Variants in TNFAIP2 observed in about 807,000 individuals in gnomAD.
The protein encoded by TNFAIP2 is tumor necrosis factor alpha-induced protein 2.
TNFAIP2 carries 47 observed loss-of-function variants against 63.5 expected under a neutral mutation model. The ratio of observed to expected loss-of-function variants is 0.74; its 90% confidence interval spans 0.59 to 0.94. The LOEUF (loss-of-function observed/expected upper bound fraction) is 0.94, where lower values mean the gene tolerates loss of function less well. Among genes scored for constraint, TNFAIP2 ranks in the 40% least tolerant of loss-of-function variants. The pLI is 0.00. For synonymous variants in TNFAIP2, 405 were observed against 390.2 expected (o/e 1.04, Z -0.45); for missense variants, 787 against 850.2 (o/e 0.93, Z 0.92).
chr14:103,125,769 C>A (rs1194527737), intron 1 of TNFAIP2, among the ~76,000 whole-genome samples: 1 of 152,210 alleles, frequency 6.6e-6, no homozygotes, highest in Non-Finnish European at 1.5e-5. Context: ...TGTGACCCCA[C>A]CGCTGGATCA....
intron 11 of TNFAIP2, among the ~76,000 whole-genome samples, chr14:103,134,988 C>T (rs950298349): frequency 4.6e-5 from 7 of 152,172 alleles, no homozygotes; most frequent in Non-Finnish European, 8.8e-5. Context: ...CATCTCAGGG[C>T]CTGGGAAGAA....
At position 103,131,660 on chromosome 14, in the gene TNFAIP2, G is replaced by T. The variant is rs1276308757; in HGVS notation, c.1320G>T (p.Trp440Cys). 6.2e-7 allele frequency: 1 copy of T among 1,600,090 alleles called. No individual in the cohort carries two copies. ...CCAGGATGTCCATGGAGCAGAATTGGCAGGTACCCCAGGACACCCTGAGCC... is the reference window on the plus strand; with the variant it reads ...CCAGGATGTCCATGGAGCAGAATTGTCAGGTACCCCAGGACACCCTGAGCC... ...LSFRMSMEQN[W>C]QVPQDTLSLL... The change falls in exon 8 of 12, where the codon TGG (tryptophan) becomes TGT (cysteine). Residue 440 changes from tryptophan (W) to cysteine (C), a missense_variant. Physicochemically the swap from Trp to Cys is radical, Grantham distance 215 (BLOSUM62 -2). This residue lies in a region of TNFAIP2 where 523 missense variants were observed against 604.1 expected (regional missense o/e 0.87). Coordinates refer to ENST00000560869, the MANE Select transcript of TNFAIP2 (RefSeq NM_006291.4). The surrounding 1 kb of genome is among the most constrained non-coding windows in gnomAD (Gnocchi z 4.0).
intron 8 of TNFAIP2, among the ~76,000 whole-genome samples, chr14:103,132,131 C>G (rs1036683197): frequency 6.6e-6 from 1 of 152,168 alleles, no homozygotes; most frequent in African/African-American, 2.4e-5. Context: ...CCTGCAGACA[C>G]CTTTCCTTCA....
rs2087960963 is a variant in TNFAIP2, at chr14:103,131,049, C to T, written c.1200-3C>T. ...CTGAATGTGCCCCTTCTGGTTTCGC[C>T]AGCTACCAGCGCGCCTTTAATGAAT... On this transcript the variant is annotated splice_polypyrimidine_tract_variant and splice_region_variant and intron_variant, in intron 6 of 11. Transcript: ENST00000560869. This position sits in a 1 kb window ranked among gnomAD's most constrained non-coding sequence, Gnocchi z 4.0. 1 of 1,614,008 alleles carries T rather than the reference C, an allele frequency of 6.2e-7. No homozygotes were observed. Among genetic ancestry groups the T allele is most frequent in the Non-Finnish European group, 8.5e-7 (1 of 1,180,022 alleles).
At chr14:103,128,762 C>T (rs371743898) in intron 3 of TNFAIP2, among the ~76,000 whole-genome samples, 5 of 152,274 alleles carry the variant, frequency 3.3e-5, no homozygotes, top group African/African-American at 1.2e-4. Context: ...CAGCCCAGAG[C>T]CAGTTCCCGC....
chr14:103,130,444 G>A (rs2087950121), intron 6 of TNFAIP2, 29 bp downstream of exon 6: 1 of 1,547,660 alleles, frequency 6.5e-7, no homozygotes, highest in Non-Finnish European at 8.7e-7. Flanking sequence ...TGGGGTCCCT[G>A]TAGCCACCGC....
Position 103,130,031 on chromosome 14 carries a change from T to C in TNFAIP2, c.1005T>C (p.Ala335=), listed in dbSNP as rs2087938252. ...AANVRELMDR[A]LELEARRWAE... is the part of the protein sequence containing the mutation. ...ATGTGAGGGAGTTGATGGACCGAGCTCTGGAGCTAGAGGCACGGCGCTGGG... is the reference window on the plus strand; with the variant it reads ...ATGTGAGGGAGTTGATGGACCGAGCCCTGGAGCTAGAGGCACGGCGCTGGG... Residue 335 remains alanine, a synonymous_variant, in exon 5 of 12, where the codon GCT becomes GCC. Transcript: ENST00000560869. 2 of 1,612,606 alleles carry C rather than the reference T, an allele frequency of 1.2e-6. No individual in the cohort carries two copies. Among genetic ancestry groups the C allele is most frequent in the African/African-American group, 1.3e-5 (1 of 74,844 alleles).
Position 103,129,754 on chromosome 14 carries a change from G to A in TNFAIP2, c.875G>A (p.Ser292Asn), listed in dbSNP as rs1432931916. The A allele has an allele frequency of 2.5e-6, 4 of 1,613,870 alleles. No homozygotes were observed. Among genetic ancestry groups the A allele is most frequent in the Admixed American group, 1.7e-5 (1 of 59,994 alleles). ...QNLYPNDIIN[S>N]PKLVGELQGM... is the part of the protein sequence containing the mutation. ...CCTGCCTGCAGTGACATCATCAACA[G>A]CCCCAAGCTGGTGGGTGAGCTGCAG... is the stretch of plus-strand genomic sequence containing the variant. Residue 292 changes from serine to asparagine, a missense_variant, in exon 4 of 12, where the codon AGC becomes AAC. This residue lies in a region of TNFAIP2 where 523 missense variants were observed against 604.1 expected (regional missense o/e 0.87). Coordinates refer to ENST00000560869, the MANE Select transcript of TNFAIP2 (RefSeq NM_006291.4).
chr14:103,124,140 G>T (rs1159052526), intron 1 of TNFAIP2, among the ~76,000 whole-genome samples, 189 bp downstream of exon 1: 1 of 152,214 alleles, frequency 6.6e-6, no homozygotes, highest in Non-Finnish European at 1.5e-5. Context: ...GCTGCTGCCT[G>T]CAGGACAGAC....
chr14:103,125,653 C>A (rs1384027843), intron 1 of TNFAIP2, among the ~76,000 whole-genome samples: 1 of 152,198 alleles, frequency 6.6e-6, no homozygotes, highest in Non-Finnish European at 1.5e-5. Context: ...GAGCCCCTTG[C>A]CCCAGTGATG....
intron 5 of TNFAIP2, 39 bp downstream of exon 5, chr14:103,130,163 C>A: frequency 6.3e-7 from 1 of 1,596,582 alleles, no homozygotes; most frequent in South Asian, 1.1e-5. Flanking sequence ...ACCGCCCGTG[C>A]ACGTGCATGG....
At chr14:103,133,628 G>A (rs1042043520) in intron 10 of TNFAIP2, 54 bp from the exon 11 acceptor site, 15 of 1,551,096 alleles carry the variant, frequency 9.7e-6, no homozygotes, top group African/African-American at 5.5e-5. Context: ...CCAACGAGTC[G>A]CTGACCCGAG....
At position 103,133,748 on chromosome 14, in the gene TNFAIP2, C is replaced by T; in HGVS notation, c.1768C>T (p.Pro590Ser). 1 of 1,597,088 alleles carries T rather than the reference C, an allele frequency of 6.3e-7. No homozygotes were observed. The highest frequency in any genetic ancestry group is 8.5e-7 in the Non-Finnish European group (1 of 1,176,920). The change falls in exon 11 of 12, where the codon CCC (proline) becomes TCC (serine). Residue 590 changes from proline to serine, a missense_variant. Transcript: ENST00000560869. ...GGCCGAGATCATTCGCCTGCAGGAC[C>T]CCAGTGCCATCAAGATTGAGGTGGC... ...TLAEIIRLQD[P>S]SAIKIEVATY...
upstream of TNFAIP2, among the ~76,000 whole-genome samples, chr14:103,122,192 C>G (rs1006434910): frequency 6.6e-6 from 1 of 152,214 alleles, no homozygotes; most frequent in South Asian, 2.1e-4. Context: ...TCCGCTCCCC[C>G]ACAGGTTCCC....
chr14:103,126,977 C>G (rs2087867274), intron 2 of TNFAIP2, 28 bp from the exon 3 acceptor site: 1 of 1,241,284 alleles, frequency 8.1e-7, no homozygotes. Flanking sequence ...GGGCTGGGGC[C>G]GGGGCTGACG....
chr14:103,135,193 G>C lies in TNFAIP2; in HGVS notation c.1824-26G>C. ...GAGTAGGGGTGTGGGTGACAGGCTG[G>C]GCTGACAGGATGCTCTCTTTGCCAG... is the stretch of plus-strand genomic sequence containing the variant. On this transcript the variant is annotated intron_variant, in intron 11 of 11. Coordinates refer to ENST00000560869, the MANE Select transcript of TNFAIP2 (RefSeq NM_006291.4). This position sits in a 1 kb window ranked among gnomAD's most constrained non-coding sequence, Gnocchi z 7.6. 1 of 1,613,620 alleles carries C rather than the reference G, an allele frequency of 6.2e-7. No individual in the cohort carries two copies. The highest frequency in any genetic ancestry group is 8.5e-7 in the Non-Finnish European group (1 of 1,179,980).
At chr14:103,132,337 G>A (rs1009681266) in intron 8 of TNFAIP2, among the ~76,000 whole-genome samples, 4 of 152,296 alleles carry the variant, frequency 2.6e-5, no homozygotes, top group Non-Finnish European at 4.4e-5. Flanking sequence ...TTCTCTTCCC[G>A]GTGTCAGGGA....
chr14:103,135,069 T>G lies in TNFAIP2; in HGVS notation c.1824-150T>G. On this transcript the variant is annotated intron_variant, in intron 11 of 11. Transcript: ENST00000560869. This position sits in a 1 kb window ranked among gnomAD's most constrained non-coding sequence, Gnocchi z 7.6. The stretch of plus-strand genomic sequence containing the variant: ...CATGGCTGCTCTTGGGACCATCAGG[T>G]GGAGGGCATGGGTGAGGGAGAGTGA... The G allele has an allele frequency of 2.2e-6, 2 of 920,210 alleles. No homozygotes were observed. Among genetic ancestry groups the G allele is most frequent in the Non-Finnish European group, 3.4e-6 (2 of 595,550 alleles). 57.0% of individuals were successfully genotyped at this position (920,210 alleles called of 1,614,324 possible). A position where few individuals can be genotyped will look rare whatever the true frequency, so the allele number is the denominator to read the frequency against.
chr14:103,122,037 C>A (rs1595269278), upstream of TNFAIP2, among the ~76,000 whole-genome samples: 1 of 152,190 alleles, frequency 6.6e-6, no homozygotes, highest in South Asian at 2.1e-4. Flanking sequence ...TCCATCTGCG[C>A]GGTGCCGGTG....
Sources: allele counts gnomAD v4.1 joint callset (sites outside exome capture counted in the v4.1 genomes callset), GRCh38; gene constraint gnomAD v4.1.1; regional missense constraint gnomAD v4.1.1; non-coding constraint Gnocchi (gnomAD v3.1); transcripts MANE v1.5; gene names NCBI Gene and HGNC (gene_info 2026-07-23, HGNC 2026-07-21).